Variants in MORN2 observed in about 807,000 individuals in gnomAD.
MORN2 encodes the protein MORN repeat-containing protein 2.
Under a neutral mutation model 13.4 loss-of-function variants are expected in MORN2, and 15 were observed. The observed-to-expected ratio is 1.12, with a 90% CI of 0.75 to 1.72. The LOEUF (loss-of-function observed/expected upper bound fraction) is 1.72, where lower values mean the gene tolerates loss of function less well. Among genes scored for constraint, MORN2 ranks in the 40% most tolerant of loss-of-function variants. The probability of loss-of-function intolerance (pLI) is 0.00; values close to 1 mark genes in which losing one functional copy is unlikely to be tolerated. For missense variants in MORN2, 168 were observed against 134.6 expected (o/e 1.25, Z -1.23); for synonymous variants, 46 against 43.6 (o/e 1.06, Z -0.22).
chr2:38,877,424 C>T lies in MORN2; in HGVS notation c.58+1314C>T, dbSNP rs190972583. ...AGCACACATGGCAATTTCTGTATAC[C>T]ACCATACTTCACCCTTTATCCACAA... is the stretch of plus-strand genomic sequence containing the variant. On this transcript the variant is annotated intron_variant, in intron 1 of 4. Transcript: ENST00000644631. 2.1e-3 allele frequency among the ~76,000 whole-genome samples: 315 copies of T among 152,096 alleles called. 1 individual carries two copies. Among genetic ancestry groups the T allele is most frequent in the African/African-American group, 7.1e-3 (295 of 41,496 alleles).
intron 2 of MORN2, 89 bp downstream of exon 2, chr2:38,880,318 C>G: frequency 7.5e-6 from 3 of 399,374 alleles, no homozygotes; most frequent in East Asian, 7.1e-5. Flanking sequence ...TATAAAACTA[C>G]TATTAGGATA....
In MORN2 at chr2:38,881,446, A is replaced by G. The variant is rs1201920925; in HGVS notation, c.221A>G (p.Asn74Ser). The G allele has an allele frequency of 2.6e-6, 4 of 1,533,708 alleles. No homozygotes were observed. Among genetic ancestry groups the G allele is most frequent in the Non-Finnish European group, 3.5e-6 (4 of 1,142,118 alleles). ...AATTTCCTTTGTTACAAACAGATGA[A>G]TGGTTTTGGAAGACTTGAGCATTTT... Residue 74 changes from asparagine (N) to serine (S), a missense_variant, in exon 4 of 5, where the codon AAT becomes AGT. By Grantham distance (46) the Asn-to-Ser change is conservative. Transcript: ENST00000644631.
At position 38,876,063 on chromosome 2, in the gene MORN2, A is replaced by G; in HGVS notation, c.11A>G (p.Gln4Arg). 2.5e-6 allele frequency: 1 copy of G among 398,704 alleles called. No homozygotes were observed. The highest frequency in any genetic ancestry group is 4.4e-6 in the Non-Finnish European group (1 of 226,166). 24.7% of individuals were successfully genotyped at this position (398,704 alleles called of 1,614,324 possible). A position where few individuals can be genotyped will look rare whatever the true frequency, so the allele number is the denominator to read the frequency against. ...CTCCCGGCCGCAGAGCTGGCCGCCC[A>G]GGGGGAGTCGCAGAGTTTGGAAGAT... Residue 4 changes from glutamine (Q) to arginine (R), a missense_variant, in exon 1 of 5, where the codon CAG becomes CGG. Transcript: ENST00000644631.
chr2:38,878,870 A>T (rs1031525133), intron 1 of MORN2, among the ~76,000 whole-genome samples: 2 of 152,180 alleles, frequency 1.3e-5, no homozygotes, highest in African/African-American at 4.8e-5. Flanking sequence ...TAATTTTTAA[A>T]TTCCCTTGCC....
chr2:38,881,151 T>G (rs1308492183), intron 3 of MORN2, among the ~76,000 whole-genome samples: 2 of 152,218 alleles, frequency 1.3e-5, no homozygotes, highest in African/African-American at 4.8e-5. Flanking sequence ...TGGTTGCCCT[T>G]TAAGATTTCT....
At chr2:38,877,366 A>T (rs1294103592) in intron 1 of MORN2, among the ~76,000 whole-genome samples, 2 of 152,114 alleles carry the variant, frequency 1.3e-5, no homozygotes, top group Non-Finnish European at 1.5e-5. Context: ...TTGGAATTTC[A>T]CATCTTGCAG....
chr2:38,877,035 G>C (rs1167686540), intron 1 of MORN2, among the ~76,000 whole-genome samples: 1 of 152,180 alleles, frequency 6.6e-6, no homozygotes, highest in African/African-American at 2.4e-5. Context: ...AAGAAGAGAA[G>C]GGTGTTCCAC....
rs542600862 is a variant in MORN2, at chr2:38,879,812, A to G, written c.59-367A>G. Among the ~76,000 whole-genome samples the G allele has an allele frequency of 2.3e-3, 348 of 152,358 alleles. 1 individual carries two copies. The highest frequency in any genetic ancestry group is 4.1e-3 in the Non-Finnish European group (280 of 68,038). ...GGGTAGATTTTGTGGTGTGTGAATT[A>G]TATATTAATAAAGCTATCATAATAA... On this transcript the variant is annotated intron_variant, in intron 1 of 4. Transcript: ENST00000644631.
intron 3 of MORN2, 69 bp from the exon 4 acceptor site, chr2:38,881,373 G>T: frequency 7.3e-7 from 1 of 1,371,772 alleles, no homozygotes; most frequent in South Asian, 1.4e-5. Flanking sequence ...ACTTATATTT[G>T]TACATTTTTT....
chr2:38,882,283 G>A (rs746144286), intron 4 of MORN2, 130 bp from the exon 5 acceptor site: 4 of 389,508 alleles, frequency 1.0e-5, no homozygotes, highest in Non-Finnish European at 1.7e-5. Flanking sequence ...AGGATGCTGG[G>A]TTTAAAAGCA....
chr2:38,882,381 G>C, intron 4 of MORN2, 32 bp from the exon 5 acceptor site: 1 of 1,388,862 alleles, frequency 7.2e-7, no homozygotes, highest in Non-Finnish European at 1.0e-6. Flanking sequence ...ATTCATCTTT[G>C]TTAATGGAAA....
chr2:38,877,135 T>A (rs1291031403), intron 1 of MORN2, among the ~76,000 whole-genome samples: 2 of 152,118 alleles, frequency 1.3e-5, no homozygotes, highest in Non-Finnish European at 2.9e-5. Context: ...AAAGTAGCTC[T>A]GACGCCTGTA....
intron 1 of MORN2, among the ~76,000 whole-genome samples, chr2:38,877,805 T>A (rs1167060857): frequency 1.3e-5 from 2 of 151,260 alleles, no homozygotes; most frequent in East Asian, 3.9e-4. Flanking sequence ...TTTTTTATTT[T>A]ATTATTTTTT....
At position 38,879,335 on chromosome 2, in the gene MORN2, T is replaced by TACATCA. The variant is rs1279028484; in HGVS notation, c.59-844_59-843insACATCA. Among the ~76,000 whole-genome samples the TACATCA allele has an allele frequency of 3.3e-5, 5 of 152,312 alleles. No individual in the cohort carries two copies. In the East Asian group the frequency reaches 9.6e-4, roughly 29 times the overall value. ...TATGTTTTGAAAATGTACATCAGTG[T>TACATCA]TTATAGCAGTATTATTCATAATGGC... On this transcript the variant is annotated intron_variant, in intron 1 of 4. Transcript: ENST00000644631.
At chr2:38,882,391 A>C in intron 4 of MORN2, 22 bp from the exon 5 acceptor site, 1 of 1,469,726 alleles carries the variant, frequency 6.8e-7, no homozygotes. Context: ...GTTAATGGAA[A>C]ACTTATTTTC....
rs892296886 is a variant in MORN2 at position 38,880,222 on chromosome 2, C to G, written c.102C>G (p.Asp34Glu). 2 of 398,900 alleles carry G rather than the reference C, an allele frequency of 5.0e-6. No individual in the cohort carries two copies. Among genetic ancestry groups the G allele is most frequent in the Non-Finnish European group, 8.8e-6 (2 of 226,082 alleles). 24.7% of individuals were successfully genotyped at this position (398,900 alleles called of 1,614,324 possible). A position where few individuals can be genotyped will look rare whatever the true frequency, so the allele number is the denominator to read the frequency against. ...TCAGCTTTATCTTTCCAAATGGAGA[C>G]AAGTATGGTAAGTATACGCTTCAAT... is the stretch of plus-strand genomic sequence containing the variant. Residue 34 changes from aspartate (D) to glutamate (E), a missense_variant, in exon 2 of 5, where the codon GAC (aspartate) becomes GAG (glutamate). Coordinates refer to ENST00000644631, the MANE Select transcript of MORN2 (RefSeq NM_001145450.3).
chr2:38,882,341 C>G (rs1665793696), intron 4 of MORN2, 72 bp from the exon 5 acceptor site: 1 of 887,638 alleles, frequency 1.1e-6, no homozygotes, highest in Non-Finnish European at 1.7e-6. Flanking sequence ...ATATATTATG[C>G]TAGAAAATCT....
At chr2:38,882,050 A>G (rs1414750477) in intron 4 of MORN2, among the ~76,000 whole-genome samples, 1 of 152,242 alleles carries the variant, frequency 6.6e-6, no homozygotes, top group Non-Finnish European at 1.5e-5. Context: ...CTCAAACATC[A>G]TTGATAGTGA....
intron 3 of MORN2, 53 bp downstream of exon 3, chr2:38,880,759 G>A (rs897922578): frequency 1.2e-5 from 19 of 1,538,998 alleles, no homozygotes; most frequent in Non-Finnish European, 1.6e-5. Context: ...TGTAGGTTTA[G>A]TGATTCCAGG....
Sources: allele counts gnomAD v4.1 joint callset (sites outside exome capture counted in the v4.1 genomes callset), GRCh38; gene constraint gnomAD v4.1.1; transcripts MANE v1.5; gene names NCBI Gene and HGNC (gene_info 2026-07-23, HGNC 2026-07-21).